Variants in UBAC2 observed in about 807,000 individuals in gnomAD.
The protein encoded by UBAC2 is ubiquitin-associated domain-containing protein 2.
UBAC2 carries 26 observed loss-of-function variants against 44.0 expected under a neutral mutation model. That is an observed-to-expected ratio of 0.59 (90% CI 0.43 to 0.82). UBAC2 has a LOEUF of 0.82. UBAC2 is among the 40% of genes least tolerant of loss of function. UBAC2 has a pLI of 0.00. For missense variants in UBAC2, 329 were observed against 419.4 expected, an observed-to-expected ratio of 0.78 and a Z score of 1.88; for synonymous variants, 155 against 154.3, an observed-to-expected ratio of 1.00 and a Z score of -0.04.
At chr13:99,225,344 T>C (rs1458286971) in intron 1 of UBAC2, among the ~76,000 whole-genome samples, 2 of 152,170 alleles carry the variant, frequency 1.3e-5, no homozygotes, top group Non-Finnish European at 2.9e-5. Context: ...CAACCACTTT[T>C]CTACTTTCTG....
At chr13:99,274,888 T>C (rs2043863059) in intron 4 of UBAC2, among the ~76,000 whole-genome samples, 3 of 151,794 alleles carry the variant, frequency 2.0e-5, no homozygotes. Flanking sequence ...CAGCTAATTT[T>C]TGTATTCTTT....
intron 1 of UBAC2, among the ~76,000 whole-genome samples, chr13:99,224,281 G>T (rs2043086278): frequency 6.6e-6 from 1 of 152,072 alleles, no homozygotes; most frequent in Non-Finnish European, 1.5e-5. Flanking sequence ...ATGTCACATT[G>T]AATTAGGGCT....
intron 4 of UBAC2, among the ~76,000 whole-genome samples, chr13:99,252,881 T>G (rs2043476066): frequency 6.6e-6 from 1 of 152,026 alleles, no homozygotes; most frequent in African/African-American, 2.4e-5. Flanking sequence ...TTTGTTGTGC[T>G]TTTTGCTCTG....
chr13:99,330,465 A>AAAAAAAAAG (rs2044700633), intron 6 of UBAC2, among the ~76,000 whole-genome samples: 2 of 148,152 alleles, frequency 1.3e-5, no homozygotes, highest in African/African-American at 4.9e-5. Context: ...TCTCAAAAAA[A>AAAAAAAAAG]AAAAAAAAAA....
intron 4 of UBAC2, among the ~76,000 whole-genome samples, chr13:99,305,486 GCTT>G (rs2138743388): frequency 6.6e-6 from 1 of 152,262 alleles, no homozygotes; most frequent in Non-Finnish European, 1.5e-5. Context: ...TTAAATGTAA[GCTT>G]CTTGAGGATG....
rs184152630 is a variant in UBAC2 at position 99,361,355 on chromosome 13, A to G, written c.808-6432A>G. Among the ~76,000 whole-genome samples, 489 of 152,330 alleles carry G rather than the reference A, an allele frequency of 3.2e-3. 14 individuals are homozygous for G. Among genetic ancestry groups the G allele is most frequent in the East Asian group, 2.7e-3 (14 of 5,184 alleles). ...ATATTTAACCCTACGTAAAGAGCAG[A>G]TTCATGTCAAAACATCCTAGAACCT... On this transcript the variant is annotated intron_variant, in intron 7 of 8. Transcript: ENST00000403766.
intron 8 of UBAC2, among the ~76,000 whole-genome samples, chr13:99,368,956 C>G (rs965201536): frequency 2.0e-5 from 3 of 152,246 alleles, no homozygotes; most frequent in Admixed American, 1.3e-4. Context: ...TGGGGCCTGT[C>G]AGAAGGACAC....
intron 1 of UBAC2, chr13:99,234,310 G>A (rs1210414271): frequency 6.4e-6 from 2 of 311,166 alleles, no homozygotes; most frequent in East Asian, 1.6e-4. Flanking sequence ...TCCCGCCTCA[G>A]CTTCCCAAGT....
intron 1 of UBAC2, among the ~76,000 whole-genome samples, chr13:99,230,366 T>C (rs1017009706): frequency 6.6e-6 from 1 of 152,000 alleles, no homozygotes; most frequent in African/African-American, 2.4e-5. Context: ...CTTGGGAGGC[T>C]GAGGGACGAG....
chr13:99,276,939 C>T (rs897879352), intron 4 of UBAC2, among the ~76,000 whole-genome samples: 7 of 152,194 alleles, frequency 4.6e-5, no homozygotes, highest in Non-Finnish European at 4.4e-5. Flanking sequence ...CTCTGCCTTC[C>T]TCTTAGCACT....
chr13:99,384,240 T>C (rs1364923327), intron 8 of UBAC2, among the ~76,000 whole-genome samples: 2 of 152,200 alleles, frequency 1.3e-5, no homozygotes, highest in Admixed American at 6.5e-5. Context: ...AAAGCCTCTT[T>C]AATGCGCAAG....
intron 5 of UBAC2, 127 bp downstream of exon 5, chr13:99,314,347 A>G: frequency 8.9e-7 from 1 of 1,120,676 alleles, no homozygotes; most frequent in South Asian, 1.8e-5. Context: ...TGGCTTCATG[A>G]TCTATATCAA....
chr13:99,336,275 G>A (rs2044787586), intron 6 of UBAC2, among the ~76,000 whole-genome samples: 1 of 152,024 alleles, frequency 6.6e-6, no homozygotes, highest in African/African-American at 2.4e-5. Flanking sequence ...CTTTCTTCAG[G>A]CCTCTTGTGT....
chr13:99,265,923 A>G (rs1168378786), intron 4 of UBAC2, among the ~76,000 whole-genome samples: 1 of 152,196 alleles, frequency 6.6e-6, no homozygotes, highest in African/African-American at 2.4e-5. Flanking sequence ...GTTAGTTGCA[A>G]TTTATTGAAT....
At chr13:99,346,767 G>T (rs1014775306) in intron 7 of UBAC2, among the ~76,000 whole-genome samples, 1 of 152,152 alleles carries the variant, frequency 6.6e-6, no homozygotes, top group Non-Finnish European at 1.5e-5. Context: ...CCTGTCTCTC[G>T]TGGCACCGCA....
intron 1 of UBAC2, among the ~76,000 whole-genome samples, chr13:99,233,671 G>A (rs1208842287): frequency 2.0e-5 from 3 of 152,168 alleles, no homozygotes; most frequent in Non-Finnish European, 2.9e-5. Context: ...ATCCATGAGT[G>A]TAGAGTGATA....
At chr13:99,229,960 T>C (rs887202744) in intron 1 of UBAC2, among the ~76,000 whole-genome samples, 3 of 152,234 alleles carry the variant, frequency 2.0e-5, no homozygotes, top group African/African-American at 7.2e-5. Context: ...GGAGTATCTA[T>C]CTTAAACCTT....
At chr13:99,245,567 A>G (rs1190089955) in intron 4 of UBAC2, among the ~76,000 whole-genome samples, 2 of 152,196 alleles carry the variant, frequency 1.3e-5, no homozygotes, top group Non-Finnish European at 2.9e-5. Flanking sequence ...ACAAACAAAA[A>G]AACAGGCCGG....
chr13:99,228,880 G>C (rs531204886), intron 1 of UBAC2, among the ~76,000 whole-genome samples: 2 of 152,308 alleles, frequency 1.3e-5, no homozygotes, highest in East Asian at 3.9e-4. Context: ...CCTTACCAGA[G>C]AGGAAATAGT....
Sources: allele counts gnomAD v4.1 joint callset (sites outside exome capture counted in the v4.1 genomes callset), GRCh38; gene constraint gnomAD v4.1.1; transcripts MANE v1.5; gene names NCBI Gene and HGNC (gene_info 2026-07-23, HGNC 2026-07-21).